Variants in ANKS1B observed in about 807,000 individuals in gnomAD.
ANKS1B encodes ankyrin repeat and sterile alpha motif domain containing 1B, also known as ankyrin repeat and sterile alpha motif domain-containing protein 1B.
In ANKS1B, 36 loss-of-function variants were observed where a neutral mutation model predicts 148.3. The observed-to-expected ratio is 0.24, with a 90% CI of 0.19 to 0.32. The LOEUF is 0.32. Among genes scored for constraint, ANKS1B ranks in the 10% least tolerant of loss-of-function variants. The probability of loss-of-function intolerance (pLI) is 1.00; values close to 1 mark genes in which losing one functional copy is unlikely to be tolerated. For synonymous variants in ANKS1B, 542 were observed against 560.8 expected (o/e 0.97, Z 0.47); for missense variants, 1,157 against 1,542.6 (o/e 0.75, Z 4.19).
intron 24 of ANKS1B, among the ~76,000 whole-genome samples, chr12:98,774,304 T>C (rs957234126): frequency 2.0e-5 from 3 of 152,192 alleles, no homozygotes; most frequent in Non-Finnish European, 4.4e-5. Flanking sequence ...TTGAAATGCA[T>C]TGCAATGCCC....
chr12:99,092,829 G>A (rs2054537116), intron 15 of ANKS1B, among the ~76,000 whole-genome samples: 1 of 152,196 alleles, frequency 6.6e-6, no homozygotes, highest in Non-Finnish European at 1.5e-5. Flanking sequence ...TACATTCACT[G>A]TGTAGCAGGT....
intron 14 of ANKS1B, among the ~76,000 whole-genome samples, chr12:99,159,555 AT>A (rs1352554979): frequency 3.3e-5 from 5 of 151,862 alleles, no homozygotes; most frequent in Non-Finnish European, 7.4e-5. Flanking sequence ...AAAGGATATA[AT>A]TTTTTTTCTT....
intron 12 of ANKS1B, among the ~76,000 whole-genome samples, chr12:99,315,220 CA>C (rs2154027955): frequency 6.8e-6 from 1 of 146,676 alleles, no homozygotes; most frequent in East Asian, 2.0e-4. Flanking sequence ...AGCCTAGTGA[CA>C]GTGTGAGACT....
chr12:99,126,239 C>T (rs540775973), intron 15 of ANKS1B, among the ~76,000 whole-genome samples: 21 of 152,198 alleles, frequency 1.4e-4, no homozygotes, highest in African/African-American at 4.3e-4. Flanking sequence ...AATCCCTCTA[C>T]GCAGGAAGTT....
At chr12:98,815,416 C>T (rs1009065860) in intron 19 of ANKS1B, among the ~76,000 whole-genome samples, 2 of 152,172 alleles carry the variant, frequency 1.3e-5, no homozygotes, top group Non-Finnish European at 2.9e-5. Flanking sequence ...GTTATCTGAG[C>T]ATCCCTGGAG....
intron 9 of ANKS1B, among the ~76,000 whole-genome samples, chr12:99,562,843 G>T (rs898902802): frequency 5.3e-5 from 8 of 152,132 alleles, no homozygotes; most frequent in Non-Finnish European, 7.4e-5. Flanking sequence ...TGAGATTTGG[G>T]TGGGGACACA....
chr12:99,626,426 T>C (rs1014187500), intron 9 of ANKS1B, among the ~76,000 whole-genome samples: 2 of 152,154 alleles, frequency 1.3e-5, no homozygotes, highest in African/African-American at 4.8e-5. Context: ...CACTACATGT[T>C]TGAAAAATCG....
intron 12 of ANKS1B, among the ~76,000 whole-genome samples, chr12:99,324,912 C>A (rs995938865): frequency 6.6e-6 from 1 of 152,106 alleles, no homozygotes; most frequent in Non-Finnish European, 1.5e-5. Context: ...GAATGTTGGT[C>A]ATTCACCTTT....
At chr12:99,277,371 T>TGTTATCAAAGTA (rs2077806298) in intron 12 of ANKS1B, among the ~76,000 whole-genome samples, 1 of 152,216 alleles carries the variant, frequency 6.6e-6, no homozygotes, top group Admixed American at 6.5e-5. Flanking sequence ...GTAAGAATCA[T>TGTTATCAAAGTA]GTTATCAAAG....
chr12:99,349,800 G>A (rs1444663951), intron 12 of ANKS1B, among the ~76,000 whole-genome samples: 1 of 151,882 alleles, frequency 6.6e-6, no homozygotes, highest in Non-Finnish European at 1.5e-5. Flanking sequence ...GAAAATAAAT[G>A]ACTTCAATGA....
intron 11 of ANKS1B, among the ~76,000 whole-genome samples, chr12:99,433,106 A>G (rs1009289615): frequency 6.6e-6 from 1 of 152,166 alleles, no homozygotes; most frequent in Non-Finnish European, 1.5e-5. Flanking sequence ...TGGCTCATAC[A>G]ATAGTGACAG....
At chr12:99,370,809 T>C (rs948427164) in intron 12 of ANKS1B, among the ~76,000 whole-genome samples, 2 of 152,104 alleles carry the variant, frequency 1.3e-5, no homozygotes, top group African/African-American at 4.8e-5. Flanking sequence ...TTGGGGGAAA[T>C]TGTGCATTGT....
At position 99,741,206 on chromosome 12, in the gene ANKS1B, AACACACACACAC is replaced by A. The variant is rs774613671; in HGVS notation, c.1128+31704_1128+31715del. On this transcript the variant is annotated intron_variant, in intron 8 of 26. Transcript: ENST00000683438. ...CTGGCAACAGAGCTAGGCTCCGTCAAACACACACACACACACACACACACACACACACACACA... is the reference window on the plus strand; with the variant it reads ...CTGGCAACAGAGCTAGGCTCCGTCAAACACACACACACACACACACACACA... Among the ~76,000 whole-genome samples, 14 of 135,406 alleles carry A rather than the reference AACACACACACAC, an allele frequency of 1.0e-4. No individual in the cohort carries two copies. In the East Asian group the frequency reaches 1.1e-3, roughly 11 times the overall value. 88.8% of individuals were successfully genotyped at this position (135,406 alleles called of 152,430 possible).
At chr12:98,858,055 T>C (rs1401990913) in intron 17 of ANKS1B, among the ~76,000 whole-genome samples, 3 of 152,216 alleles carry the variant, frequency 2.0e-5, no homozygotes, top group East Asian at 3.9e-4. Flanking sequence ...CCGATAATGT[T>C]TGTCGCACAG....
chr12:99,584,905 G>A (rs2097613231), intron 9 of ANKS1B, among the ~76,000 whole-genome samples: 1 of 152,034 alleles, frequency 6.6e-6, no homozygotes, highest in Non-Finnish European at 1.5e-5. Context: ...GACACATGGG[G>A]ATTATGGGAG....
At chr12:99,286,611 C>T (rs2079152554) in intron 12 of ANKS1B, among the ~76,000 whole-genome samples, 1 of 152,114 alleles carries the variant, frequency 6.6e-6, no homozygotes, top group Non-Finnish European at 1.5e-5. Flanking sequence ...CCAAGGGTCC[C>T]CAGTTCCAGG....
chr12:99,931,006 T>C (rs1448640045), intron 1 of ANKS1B, among the ~76,000 whole-genome samples: 2 of 152,200 alleles, frequency 1.3e-5, no homozygotes, highest in Non-Finnish European at 2.9e-5. Context: ...TGGAATACTA[T>C]GCAGCCATAA....
At chr12:99,878,180 AT>A (rs1427163282) in intron 1 of ANKS1B, among the ~76,000 whole-genome samples, 2 of 152,210 alleles carry the variant, frequency 1.3e-5, no homozygotes, top group Non-Finnish European at 2.9e-5. Flanking sequence ...GAACTCTGTG[AT>A]TCTCATGGTC....
intron 22 of ANKS1B, among the ~76,000 whole-genome samples, chr12:98,798,483 T>TAAA (rs1288831046): frequency 6.8e-6 from 1 of 147,232 alleles, no homozygotes; most frequent in Admixed American, 6.8e-5. Context: ...AAGTTGAATT[T>TAAA]AAAAAAATAA....
Sources: allele counts gnomAD v4.1 joint callset (sites outside exome capture counted in the v4.1 genomes callset), GRCh38; gene constraint gnomAD v4.1.1; transcripts MANE v1.5; gene names NCBI Gene and HGNC (gene_info 2026-07-23, HGNC 2026-07-21).